The following BRWD1 variants were observed in gnomAD, a reference collection of about 807,000 sequenced individuals.
BRWD1 encodes the protein bromodomain and WD repeat domain containing 1, also known as bromodomain and WD repeat-containing protein 1.
Under a neutral mutation model 251.2 loss-of-function variants are expected in BRWD1, and 82 were observed. The ratio of observed to expected loss-of-function variants is 0.33; its 90% CI spans 0.27 to 0.39. BRWD1 has a LOEUF of 0.39. Ranked by LOEUF, BRWD1 falls within the 10% of genes least tolerant of loss-of-function variation. BRWD1 has a pLI of 1.00. For synonymous variants in BRWD1, 918 were observed against 902.8 expected, an observed-to-expected ratio of 1.02 and a Z score of -0.30; for missense variants, 2,233 against 2,711.6, an observed-to-expected ratio of 0.82 and a Z score of 3.92.
At chr21:39,268,628 C>T (rs1256738092) in intron 15 of BRWD1, among the ~76,000 whole-genome samples, 1 of 151,852 alleles carries the variant, frequency 6.6e-6, no homozygotes, top group Non-Finnish European at 1.5e-5. Flanking sequence ...TGCTAATATT[C>T]AACAAAAGTT....
Position 39,277,281 on chromosome 21 carries a change from G to A in BRWD1, c.1074C>T (p.Pro358=), listed in dbSNP as rs764034489. ...GGCTTTCAAGTTCTGCGATTTTTTC[G>A]GGTGCTTCAAAACCCAAAAAATACA... ...IRMYFLGFEA[P]EKIAELESHT... is the part of the protein sequence containing the mutation. The change falls in exon 11 of 41, where the codon CCC becomes CCT. Residue 358 remains proline, a synonymous_variant. Transcript: ENST00000342449. 5.0e-6 allele frequency: 8 copies of A among 1,609,902 alleles called. No individual in the cohort carries two copies. The highest frequency in any genetic ancestry group is 6.8e-6 in the Non-Finnish European group (8 of 1,177,800).
At chr21:39,258,357 T>C in intron 18 of BRWD1, 130 bp downstream of exon 18, 1 of 772,922 alleles carries the variant, frequency 1.3e-6, no homozygotes. Flanking sequence ...ACCTTCAGAC[T>C]ACTAATTAAG....
At chr21:39,292,102 A>G (rs2035825104) in intron 8 of BRWD1, among the ~76,000 whole-genome samples, 1 of 86,990 alleles carries the variant, frequency 1.1e-5, no homozygotes, top group Non-Finnish European at 2.0e-5. Flanking sequence ...CTACCTTGCC[A>G]AACTATTTTT....
intron 33 of BRWD1, 55 bp downstream of exon 33, chr21:39,213,404 AAAGCCAACATTTTCTTCACTTT>A (rs72273577): frequency 0.48 from 679,160 of 1,424,898 alleles, 158,162 homozygotes; most frequent in Admixed American, 0.57. Flanking sequence ...TTGGTACTAC[AAAGCCAACATTTTCTTCACTTT>A]AAAAATACCA....
chr21:39,213,028 A>G (rs184418073), intron 33 of BRWD1, among the ~76,000 whole-genome samples: 1 of 152,326 alleles, frequency 6.6e-6, no homozygotes, highest in East Asian at 1.9e-4. Flanking sequence ...CCCCAGAAAC[A>G]TACAGATTCC....
chr21:39,255,256 TA>T (rs1407875164), intron 19 of BRWD1, among the ~76,000 whole-genome samples: 1 of 151,452 alleles, frequency 6.6e-6, no homozygotes, highest in Non-Finnish European at 1.5e-5. Context: ...ACTAAAAATA[TA>T]AAAAATTAGC....
intron 23 of BRWD1, among the ~76,000 whole-genome samples, 153 bp downstream of exon 23, chr21:39,236,442 C>CT (rs1411422052): frequency 6.6e-6 from 1 of 152,118 alleles, no homozygotes; most frequent in African/African-American, 2.4e-5. Context: ...CCAAGGAGGG[C>CT]TGACAGCTCG....
chr21:39,308,124 C>A (rs549596238), intron 4 of BRWD1, among the ~76,000 whole-genome samples: 1 of 152,246 alleles, frequency 6.6e-6, no homozygotes, highest in East Asian at 1.9e-4. Flanking sequence ...AAGTGATCCT[C>A]CCACCTCAGA....
Position 39,193,875 on chromosome 21 carries a change from G to A in BRWD1, c.*2384C>T. On this transcript the variant is annotated 3_prime_UTR_variant, in exon 41 of 41. Transcript: ENST00000342449. ...ATTAATTTTCCTTAAAGGTACTTAG[G>A]AGTGTGTGTGTCACATATTCAAAGT... The A allele has an allele frequency of 1.0e-6, 1 of 985,306 alleles. No individual in the cohort carries two copies. Among genetic ancestry groups the A allele is most frequent in the Non-Finnish European group, 1.2e-6 (1 of 829,602 alleles). The allele number at this position is 985,306 out of a possible 1,614,324, so 61.0% of individuals were successfully genotyped here. A position where few individuals can be genotyped will look rare whatever the true frequency, so the allele number is the denominator to read the frequency against.
At chr21:39,247,438 T>A (rs998220425) in intron 21 of BRWD1, among the ~76,000 whole-genome samples, 3 of 152,212 alleles carry the variant, frequency 2.0e-5, no homozygotes, top group African/African-American at 7.2e-5. Context: ...CATGTTTATA[T>A]ACAGAAAGTT....
At chr21:39,314,109 A>G, upstream of BRWD1, 1 of 455,966 alleles carries the variant, frequency 2.2e-6, no homozygotes, top group South Asian at 1.5e-5. Flanking sequence ...GTCTGGGGCC[A>G]GTGCGTCTTG....
intron 28 of BRWD1, among the ~76,000 whole-genome samples, chr21:39,224,802 T>C (rs1404618194): frequency 6.6e-6 from 1 of 152,090 alleles, no homozygotes; most frequent in Non-Finnish European, 1.5e-5. Flanking sequence ...ATTAATGATA[T>C]AGTATCTGCT....
At chr21:39,217,231 G>A (rs149192539) in intron 31 of BRWD1, 15,405 of 151,274 alleles carry the variant, frequency 0.1, 931 homozygotes, top group East Asian at 0.14. Flanking sequence ...AAGTACCTGC[G>A]ATTACAGGCA....
In BRWD1 at chr21:39,185,540, T is replaced by G. The variant is rs1569149263; in HGVS notation, c.*10719A>C. On this transcript the variant is annotated 3_prime_UTR_variant, in exon 41 of 41. Coordinates refer to ENST00000342449, the MANE Select transcript of BRWD1 (RefSeq NM_033656.4). The stretch of plus-strand genomic sequence containing the variant: ...CTTTCTCACCTGTGTATCAACATAT[T>G]GGGGATCAGTAATTTAGATGAAAGT... The G allele has an allele frequency of 6.6e-5, 10 of 151,760 alleles. No individual in the cohort carries two copies. The South Asian group carries it at 2.1e-3, about 31-fold the overall frequency. The allele number at this position is 151,760 out of a possible 1,614,324, so 9.4% of individuals were successfully genotyped here. A position where few individuals can be genotyped will look rare whatever the true frequency, so the allele number is the denominator to read the frequency against.
At chr21:39,287,832 G>A (rs1312741024) in intron 8 of BRWD1, among the ~76,000 whole-genome samples, 2 of 152,040 alleles carry the variant, frequency 1.3e-5, no homozygotes, top group Admixed American at 1.3e-4. Context: ...CTGAATTTCA[G>A]CTTCTTTCTA....
chr21:39,285,204 T>A (rs1256986301), intron 8 of BRWD1, among the ~76,000 whole-genome samples: 1 of 152,218 alleles, frequency 6.6e-6, no homozygotes, highest in East Asian at 1.9e-4. Context: ...AAGGCCATTA[T>A]GTTAAGTGAA....
upstream of BRWD1, among the ~76,000 whole-genome samples, chr21:39,317,907 A>G (rs893159244): frequency 1.3e-5 from 2 of 152,004 alleles, no homozygotes; most frequent in African/African-American, 2.4e-5. Flanking sequence ...AACTTAGTCC[A>G]TGCATGGTGT....
intron 17 of BRWD1, among the ~76,000 whole-genome samples, chr21:39,260,003 G>A (rs1288228454): frequency 6.6e-6 from 1 of 152,104 alleles, no homozygotes; most frequent in Non-Finnish European, 1.5e-5. Flanking sequence ...TGCTACCTGA[G>A]TAAGACTCCC....
At chr21:39,241,795 C>G (rs1202615747) in intron 21 of BRWD1, among the ~76,000 whole-genome samples, 1 of 152,104 alleles carries the variant, frequency 6.6e-6, no homozygotes, top group East Asian at 1.9e-4. Flanking sequence ...ACAGCATGAG[C>G]TCATTCTTGT....
Sources: allele counts gnomAD v4.1 joint callset (sites outside exome capture counted in the v4.1 genomes callset), GRCh38; gene constraint gnomAD v4.1.1; transcripts MANE v1.5; gene names NCBI Gene and HGNC (gene_info 2026-07-23, HGNC 2026-07-21).